The following MYH14 variants were observed in gnomAD, a reference collection of about 807,000 sequenced individuals.
MYH14 encodes myosin heavy chain 14, also known as myosin-14.
MYH14 carries 123 observed loss-of-function variants against 255.5 expected under a neutral mutation model. The ratio of observed to expected loss-of-function variants is 0.48; its 90% CI spans 0.42 to 0.56. The LOEUF (loss-of-function observed/expected upper bound fraction) is 0.56, where lower values mean the gene tolerates loss of function less well. Among genes scored for constraint, MYH14 ranks in the 20% least tolerant of loss-of-function variants. The pLI, the probability that MYH14 is intolerant of heterozygous loss-of-function variation, is 0.00. For missense variants in MYH14, 2,423 were observed against 2,802.3 expected (o/e 0.86, Z 3.06); for synonymous variants, 1,095 against 1,161.2 (o/e 0.94, Z 1.16).
At chr19:50,305,294 G>A (rs73060466) in intron 40 of MYH14, among the ~76,000 whole-genome samples, 2,411 of 152,238 alleles carry the variant, frequency 0.016, 30 homozygotes, top group Non-Finnish European at 0.022. Flanking sequence ...AACAAGAGAG[G>A]ATGAAGAAGA....
chr19:50,253,468 G>A (rs574755736), intron 16 of MYH14, among the ~76,000 whole-genome samples: 7 of 151,680 alleles, frequency 4.6e-5, no homozygotes, highest in African/African-American at 1.7e-4. Flanking sequence ...ATTCTACTGA[G>A]AAATAATTTA....
At chr19:50,268,518 C>G (rs962015551) in intron 24 of MYH14, among the ~76,000 whole-genome samples, 151 bp downstream of exon 24, 2 of 152,266 alleles carry the variant, frequency 1.3e-5, no homozygotes, top group Admixed American at 1.3e-4. Flanking sequence ...ATTTTTGATT[C>G]AGATCGCGGG....
Position 50,221,297 on chromosome 19 carries a change from G to T in MYH14, c.563-1786G>T. ...AAAGCAACTCAGAGACTGGCCCAAG[G>T]TCACGCAGCAAGTCAGAGAGGCAGC... On this transcript the variant is annotated intron_variant, in intron 3 of 42. Coordinates refer to ENST00000642316, the MANE Select transcript of MYH14 (RefSeq NM_001145809.2). This position sits in a 1 kb window ranked among gnomAD's most constrained non-coding sequence, Gnocchi z 5.3. 6.6e-6 allele frequency among the ~76,000 whole-genome samples: 1 copy of T among 152,114 alleles called. No homozygotes were observed. The highest frequency in any genetic ancestry group is 2.1e-4 in the South Asian group (1 of 4,832).
chr19:50,281,479 A>G, intron 32 of MYH14, 115 bp from the exon 33 acceptor site: 1 of 1,433,456 alleles, frequency 7.0e-7, no homozygotes, highest in Non-Finnish European at 9.3e-7. Flanking sequence ...CAGCAGAATG[A>G]CCCCTTTCCC....
Position 50,244,422 on chromosome 19 carries a change from G to T in MYH14, c.1210+85G>T, listed in dbSNP as rs1443557984. On this transcript the variant is annotated intron_variant, in intron 11 of 42. Coordinates refer to ENST00000642316, the MANE Select transcript of MYH14 (RefSeq NM_001145809.2). ...CTCCTGCACCCCTGTCCCACGTAGA[G>T]AGCATCCCCCTTCCAGCCACACCTG... The T allele has an allele frequency of 2.1e-5, 21 of 987,826 alleles. No individual in the cohort carries two copies. In the East Asian group the frequency reaches 4.9e-4, roughly 23 times the overall value. The allele number at this position is 987,826 out of a possible 1,614,324, so 61.2% of individuals were successfully genotyped here. A position where few individuals can be genotyped will look rare whatever the true frequency, so the allele number is the denominator to read the frequency against.
chr19:50,274,914 G>C (rs1163424059), intron 27 of MYH14, among the ~76,000 whole-genome samples: 1 of 144,124 alleles, frequency 6.9e-6, no homozygotes, highest in African/African-American at 2.6e-5. Context: ...CTAGGTGACA[G>C]AACGAGACCC....
chr19:50,295,026 T>TAAAAAAAAAA (rs373838791), intron 39 of MYH14, among the ~76,000 whole-genome samples: 1,910 of 141,812 alleles, frequency 0.013, 23 homozygotes, highest in East Asian at 0.038. Flanking sequence ...TTTTTTTTTT[T>TAAAAAAAAAA]AAAAACAGGC....
At chr19:50,240,266 G>A (rs1000362627) in intron 10 of MYH14, among the ~76,000 whole-genome samples, 3 of 152,160 alleles carry the variant, frequency 2.0e-5, no homozygotes, top group Non-Finnish European at 4.4e-5. Flanking sequence ...TGTGTGCTGC[G>A]CATATGTATT....
intron 21 of MYH14, among the ~76,000 whole-genome samples, chr19:50,263,024 A>T (rs2034944208): frequency 1.3e-5 from 2 of 151,950 alleles, no homozygotes; most frequent in Non-Finnish European, 2.9e-5. Flanking sequence ...ACATGGCAAA[A>T]CCCCATCTCT....
intron 1 of MYH14, among the ~76,000 whole-genome samples, chr19:50,207,459 C>G (rs1050656781): frequency 2.0e-5 from 3 of 152,036 alleles, no homozygotes; most frequent in Admixed American, 1.3e-4. Context: ...CATTCTAGTT[C>G]CCCCAGCACC....
intron 15 of MYH14, among the ~76,000 whole-genome samples, chr19:50,251,003 G>A (rs1015525029): frequency 3.3e-5 from 5 of 152,152 alleles, no homozygotes; most frequent in South Asian, 2.1e-4. Flanking sequence ...GCTCGGGGCC[G>A]AGCAAAGCTG....
chr19:50,308,956 G>A, intron 41 of MYH14, 49 bp from the exon 42 acceptor site: 1 of 1,522,802 alleles, frequency 6.6e-7, no homozygotes, highest in South Asian at 1.3e-5. Context: ...GAGGGAGGGA[G>A]TGATGACAGT....
At chr19:50,271,650 G>T in intron 25 of MYH14, 104 bp downstream of exon 25, 2 of 1,491,198 alleles carry the variant, frequency 1.3e-6, no homozygotes, top group South Asian at 2.5e-5. Flanking sequence ...CGGTTCTCAG[G>T]TGTGCACCGG....
intron 40 of MYH14, among the ~76,000 whole-genome samples, chr19:50,304,174 A>T (rs1273105120): frequency 6.6e-6 from 1 of 152,232 alleles, no homozygotes; most frequent in Non-Finnish European, 1.5e-5. Context: ...TAAATGTAGG[A>T]TACTTGACTT....
rs2035892893 is a variant in MYH14, at chr19:50,286,518, G to C, written c.4576G>C (p.Val1526Leu). ...GGAGAAGGCAGCTGTACTTCGGGCA[G>C]TGGAGGAACGTGAGCGGGCCGAGGC... ...AEEKAAVLRA[V>L]EERERAEAEG... Residue 1526 changes from valine to leucine, a missense_variant, in exon 34 of 43, where the codon GTG becomes CTG. By Grantham distance (32) the Val-to-Leu change is conservative (BLOSUM62 1). This residue lies in a region of MYH14 where 1,513 missense variants were observed against 1,674.8 expected (regional missense o/e 0.90). Coordinates refer to ENST00000642316, the MANE Select transcript of MYH14 (RefSeq NM_001145809.2). 2 of 1,613,648 alleles carry C rather than the reference G, an allele frequency of 1.2e-6. No homozygotes were observed. Among genetic ancestry groups the C allele is most frequent in the East Asian group, 4.5e-5 (2 of 44,872 alleles).
rs1013025168 is a variant in MYH14, at chr19:50,230,205, G to A, written c.875-320G>A. 7.9e-5 allele frequency among the ~76,000 whole-genome samples: 12 copies of A among 152,302 alleles called. No homozygotes were observed. Among genetic ancestry groups the A allele is most frequent in the African/African-American group, 2.4e-4 (10 of 41,564 alleles). ...TGGGATTACAGGCGTGAGCCACTGC[G>A]CCCACAGGGTTGATGAGTTTTTTAG... On this transcript the variant is annotated intron_variant, in intron 8 of 42. Transcript: ENST00000642316. The surrounding 1 kb of genome is among the most constrained non-coding windows in gnomAD (Gnocchi z 4.7).
At chr19:50,224,032 T>TGCCCCCTGC in intron 5 of MYH14, 122 bp from the exon 6 acceptor site, 2 of 610,330 alleles carry the variant, frequency 3.3e-6, no homozygotes, top group Non-Finnish European at 6.1e-6. Context: ...ATGCCCGGTT[T>TGCCCCCTGC]CCCCAGTCCC....
At position 50,292,275 on chromosome 19, in the gene MYH14, G is replaced by A. The variant is rs994418746; in HGVS notation, c.5142G>A (p.Glu1714=). 3.7e-6 allele frequency: 6 copies of A among 1,604,354 alleles called. No individual in the cohort carries two copies. The highest frequency in any genetic ancestry group is 1.3e-5 in the African/African-American group (1 of 74,738). Residue 1714 remains glutamate (E), a synonymous_variant, in exon 37 of 43, where the codon GAG becomes GAA. Coordinates refer to ENST00000642316, the MANE Select transcript of MYH14 (RefSeq NM_001145809.2). ...GTTCCACCCAGGCCCAGATGAAGGA[G>A]CTATGGCGGGAGGTGGAGGAGACAC... ...QLRKMQAQMK[E]LWREVEETRT...
intron 3 of MYH14, among the ~76,000 whole-genome samples, chr19:50,222,471 C>T (rs2032880542): frequency 7.3e-6 from 1 of 136,212 alleles, no homozygotes; most frequent in South Asian, 2.5e-4. Flanking sequence ...CAGAGCAAGA[C>T]TCCGTCTCAA....
Sources: allele counts gnomAD v4.1 joint callset (sites outside exome capture counted in the v4.1 genomes callset), GRCh38; gene constraint gnomAD v4.1.1; regional missense constraint gnomAD v4.1.1; non-coding constraint Gnocchi (gnomAD v3.1); transcripts MANE v1.5; gene names NCBI Gene and HGNC (gene_info 2026-07-23, HGNC 2026-07-21).